PTPRD: variants seen among roughly 807,000 people sequenced by gnomAD.
PTPRD encodes the protein protein tyrosine phosphatase receptor type D.
A neutral mutation model predicts 214.5 loss-of-function variants in PTPRD; 34 were observed. That is an observed-to-expected ratio of 0.16 (90% confidence interval 0.12 to 0.21). The LOEUF (loss-of-function observed/expected upper bound fraction) is 0.21, where lower values mean the gene tolerates loss of function less well. Among genes scored for constraint, PTPRD ranks in the 10% least tolerant of loss-of-function variants. The probability of loss-of-function intolerance (pLI) is 1.00; values close to 1 mark genes in which losing one functional copy is unlikely to be tolerated. For synonymous variants in PTPRD, 1,128 were observed against 845.7 expected (o/e 1.33, Z -5.79); for missense variants, 2,545 against 2,398.7 (o/e 1.06, Z -1.27).
chr9:9,761,947 G>A (rs770644916), intron 6 of PTPRD, among the ~76,000 whole-genome samples: 1 of 152,052 alleles, frequency 6.6e-6, no homozygotes, highest in African/African-American at 2.4e-5. Flanking sequence ...TGCTTGGGCT[G>A]GCTTAACAAA....
Position 10,017,380 on chromosome 9 carries a change from A to G in PTPRD, c.-472+16338T>C, listed in dbSNP as rs866375128. Among the ~76,000 whole-genome samples the G allele has an allele frequency of 2.6e-5, 4 of 151,678 alleles. No individual in the cohort carries two copies. The South Asian group carries it at 8.3e-4, about 32-fold the overall frequency. ...TGCATATATTTAATTTTTTGGCTTT[A>G]CTAATTTTCTTTATGGACTATAAAC... On this transcript the variant is annotated intron_variant, in intron 4 of 45. Coordinates refer to ENST00000381196, the MANE Select transcript of PTPRD (RefSeq NM_002839.4).
chr9:9,014,429 A>G (rs2099525769), intron 11 of PTPRD, among the ~76,000 whole-genome samples: 1 of 152,042 alleles, frequency 6.6e-6, no homozygotes, highest in Admixed American at 6.6e-5. Context: ...TTTACTTTGA[A>G]CTTTTCTACA....
rs191941748 is a variant in PTPRD, at chr9:10,483,261, C to G, written c.-600+129137G>C. The stretch of plus-strand genomic sequence containing the variant: ...GAAAAATGAAACTGGATCCTTATTT[C>G]TCACCATGTACAAAAATGAACTCAA... On this transcript the variant is annotated intron_variant, in intron 2 of 45. Transcript: ENST00000381196. Among the ~76,000 whole-genome samples, 342 of 152,084 alleles carry G rather than the reference C, an allele frequency of 2.2e-3. 1 individual carries two copies. The highest frequency in any genetic ancestry group is 7.9e-3 in the African/African-American group (328 of 41,494).
intron 12 of PTPRD, among the ~76,000 whole-genome samples, chr9:8,722,364 C>A (rs1178653303): frequency 6.6e-6 from 1 of 152,092 alleles, no homozygotes; most frequent in African/African-American, 2.4e-5. Context: ...TAAGGCAAAT[C>A]TGGTTACTAA....
chr9:9,372,843 A>T (rs926720970), intron 9 of PTPRD, among the ~76,000 whole-genome samples: 2 of 152,050 alleles, frequency 1.3e-5, no homozygotes, highest in African/African-American at 4.8e-5. Flanking sequence ...GCTTGTTTGT[A>T]AAGTATTTTA....
chr9:10,017,264 T>A (rs183417828), intron 4 of PTPRD, among the ~76,000 whole-genome samples: 2 of 152,122 alleles, frequency 1.3e-5, no homozygotes, highest in African/African-American at 4.8e-5. Flanking sequence ...CTTGTAAAAT[T>A]TGTCCATTTC....
intron 8 of PTPRD, among the ~76,000 whole-genome samples, chr9:9,546,898 C>A (rs1343588900): frequency 1.3e-5 from 2 of 151,256 alleles, no homozygotes; most frequent in African/African-American, 4.9e-5. Flanking sequence ...AATAATGGAA[C>A]CCTATTACAT....
At chr9:10,212,369 A>G (rs997621961) in intron 3 of PTPRD, among the ~76,000 whole-genome samples, 30 of 152,262 alleles carry the variant, frequency 2.0e-4, no homozygotes, top group African/African-American at 5.8e-4. Context: ...TTATATAATA[A>G]GTAAATTATG....
chr9:10,452,296 A>G (rs1411032004), intron 2 of PTPRD, among the ~76,000 whole-genome samples: 5 of 151,894 alleles, frequency 3.3e-5, no homozygotes, highest in Admixed American at 1.3e-4. Flanking sequence ...GGGTACAGAC[A>G]TATTTTTAAG....
chr9:8,967,109 A>T (rs1449617498), intron 11 of PTPRD, among the ~76,000 whole-genome samples: 1 of 151,930 alleles, frequency 6.6e-6, no homozygotes, highest in Non-Finnish European at 1.5e-5. Flanking sequence ...ATCTCACACT[A>T]GTCAGAATGA....
At chr9:9,675,375 T>C (rs1297843858) in intron 7 of PTPRD, among the ~76,000 whole-genome samples, 1 of 151,516 alleles carries the variant, frequency 6.6e-6, no homozygotes, top group East Asian at 1.9e-4. Flanking sequence ...ATCCAGGAAT[T>C]TGGAGAATAA....
chr9:8,995,120 G>T, intron 11 of PTPRD, among the ~76,000 whole-genome samples: 1 of 148,562 alleles, frequency 6.7e-6, no homozygotes, highest in East Asian at 1.9e-4. Flanking sequence ...AAATTTATTA[G>T]ATATATAACT....
rs568764692 is a variant in PTPRD at position 9,401,804 on chromosome 9, C to T, written c.-236-4322G>A. ...TCTCCTGATAGTGAGTGAGTTCTCA[C>T]GAGATCTGGTAGTTTATTAAGGGAT... On this transcript the variant is annotated intron_variant, in intron 8 of 45. Transcript: ENST00000381196. Among the ~76,000 whole-genome samples the T allele has an allele frequency of 2.6e-5, 4 of 152,032 alleles. No individual in the cohort carries two copies. The East Asian group carries it at 5.9e-4, about 22-fold the overall frequency.
rs117841913 is a variant in PTPRD at position 9,781,333 on chromosome 9, C to T, written c.-367-14482G>A. On this transcript the variant is annotated intron_variant, in intron 5 of 45. Coordinates refer to ENST00000381196, the MANE Select transcript of PTPRD (RefSeq NM_002839.4). Reference sequence around the variant, plus strand: ...TACATCTAACACTGTTCTAAAAATACACAAGTAATTTAAAATAATTTAATA... The same window carrying T: ...TACATCTAACACTGTTCTAAAAATATACAAGTAATTTAAAATAATTTAATA... Among the ~76,000 whole-genome samples, 4,726 of 151,992 alleles carry T rather than the reference C, an allele frequency of 0.031. 497 individuals carry two copies. The East Asian group carries it at 0.37, about 12-fold the overall frequency.
At chr9:10,570,501 T>C (rs565679995) in intron 2 of PTPRD, among the ~76,000 whole-genome samples, 8 of 152,220 alleles carry the variant, frequency 5.3e-5, no homozygotes, top group Non-Finnish European at 1.0e-4. Flanking sequence ...AGCGGAAGAA[T>C]AGAACAAACC....
At chr9:9,690,351 G>C (rs1750272400) in intron 7 of PTPRD, among the ~76,000 whole-genome samples, 1 of 151,716 alleles carries the variant, frequency 6.6e-6, no homozygotes, top group Non-Finnish European at 1.5e-5. Context: ...TTCCTATCGA[G>C]TTGTCTGAAG....
chr9:9,526,200 T>C (rs2074081076), intron 8 of PTPRD, among the ~76,000 whole-genome samples: 1 of 152,222 alleles, frequency 6.6e-6, no homozygotes, highest in Non-Finnish European at 1.5e-5. Context: ...TATACTCTGA[T>C]ATTGTAATGG....
intron 9 of PTPRD, among the ~76,000 whole-genome samples, chr9:9,288,277 G>A (rs1950120987): frequency 6.6e-6 from 1 of 151,660 alleles, no homozygotes; most frequent in Non-Finnish European, 1.5e-5. Context: ...AGTATATTAT[G>A]CTATTTTATC....
At chr9:9,150,936 G>C (rs560316077) in intron 10 of PTPRD, among the ~76,000 whole-genome samples, 2 of 152,194 alleles carry the variant, frequency 1.3e-5, no homozygotes, top group Non-Finnish European at 2.9e-5. Flanking sequence ...TGGAAGAAAA[G>C]CAAAGATTTT....
Sources: gnomAD v4.1 joint callset for allele counts (sites outside exome capture counted in the v4.1 genomes callset) on GRCh38, gnomAD v4.1.1 for gene constraint, MANE v1.5 for transcripts, NCBI Gene and HGNC (gene_info 2026-07-23, HGNC 2026-07-21) for gene names.